The following DHX34 variants were observed in gnomAD, a reference collection of about 807,000 sequenced individuals.
DHX34 encodes DExH-box helicase 34, also known as probable ATP-dependent RNA helicase DHX34.
In DHX34, 96 loss-of-function variants were observed where a neutral mutation model predicts 111.1. That is an observed-to-expected ratio of 0.86 (90% CI 0.73 to 1.02). The LOEUF (loss-of-function observed/expected upper bound fraction) is 1.02. DHX34 is among the 50% of genes least tolerant of loss of function. DHX34 has a pLI of 0.00. For synonymous variants in DHX34, 688 were observed against 670.4 expected (o/e 1.03, Z -0.41); for missense variants, 1,560 against 1,579.9 (o/e 0.99, Z 0.21).
intron 7 of DHX34, among the ~76,000 whole-genome samples, chr19:47,371,433 A>G (rs912044261): frequency 1.3e-5 from 2 of 152,194 alleles, no homozygotes; most frequent in African/African-American, 2.4e-5. Context: ...AGGAGAGGCC[A>G]ATGCTGTTGT....
chr19:47,367,188 G>T, intron 7 of DHX34, 33 bp downstream of exon 7: 1 of 1,415,580 alleles, frequency 7.1e-7, no homozygotes, highest in Non-Finnish European at 9.3e-7. Context: ...ATCACTCAGG[G>T]CCCCAGGAGC....
At chr19:47,368,785 C>G (rs917757476) in intron 7 of DHX34, among the ~76,000 whole-genome samples, 4 of 151,928 alleles carry the variant, frequency 2.6e-5, no homozygotes, top group Middle Eastern at 3.2e-3. Flanking sequence ...GCAATCCCAG[C>G]TCATTGGAAC....
intron 2 of DHX34, 50 bp from the exon 3 acceptor site, chr19:47,354,989 G>C (rs1471612581): frequency 6.3e-7 from 1 of 1,593,854 alleles, no homozygotes; most frequent in Admixed American, 1.7e-5. Context: ...GCCAGGGGCT[G>C]GTACCCAGGC....
At chr19:47,361,125 A>C (rs1969618614) in intron 5 of DHX34, among the ~76,000 whole-genome samples, 1 of 152,088 alleles carries the variant, frequency 6.6e-6, no homozygotes, top group South Asian at 2.1e-4. Context: ...TGTGACTGAC[A>C]CTTCATGTAT....
intron 6 of DHX34, among the ~76,000 whole-genome samples, chr19:47,363,817 CA>C (rs34357751): frequency 0.41 from 31,302 of 76,256 alleles, 4,590 homozygotes; most frequent in African/African-American, 0.57. Context: ...GACTCCATCT[CA>C]AAAAAAAAAA....
chr19:47,368,777 A>C (rs922807667), intron 7 of DHX34, among the ~76,000 whole-genome samples: 3 of 150,762 alleles, frequency 2.0e-5, no homozygotes, highest in Non-Finnish European at 4.4e-5. Context: ...GCAGTGGTGC[A>C]ATCCCAGCTC....
Position 47,367,015 on chromosome 19 carries a change from TC to T in DHX34, c.1632del (p.Phe545SerfsTer36). ...ATGAGTGTGGGGGACCCCCGAACCT[TC>T]CCCTTCATCGAGCCCCCACCACCAG... ...KSMSVGDPRT[F>X]PFIEPPPPAS... On this transcript the variant is annotated frameshift_variant, in exon 7 of 17. Coordinates refer to ENST00000328771, the MANE Select transcript of DHX34 (RefSeq NM_014681.6). LOFTEE classifies it high-confidence loss of function. The T allele has an allele frequency of 6.4e-7, 1 of 1,570,284 alleles. No homozygotes were observed.
intron 11 of DHX34, 80 bp from the exon 12 acceptor site, chr19:47,376,363 G>T: frequency 1.3e-6 from 2 of 1,552,640 alleles, no homozygotes; most frequent in Non-Finnish European, 8.7e-7. Context: ...GGGAACCTGG[G>T]CCAGAGGGTG....
intron 5 of DHX34, 88 bp downstream of exon 5, chr19:47,360,158 C>G: frequency 7.9e-7 from 1 of 1,273,788 alleles, no homozygotes. Context: ...AGGGGCGCAC[C>G]AGCTTGGATT....
At chr19:47,374,806 A>T (rs1970082073) in intron 9 of DHX34, among the ~76,000 whole-genome samples, 1 of 152,110 alleles carries the variant, frequency 6.6e-6, no homozygotes, top group Non-Finnish European at 1.5e-5. Flanking sequence ...AATCTAATGG[A>T]AAGTGTGAGC....
In DHX34 at chr19:47,379,846, C is replaced by A. The variant is rs763252424; in HGVS notation, c.2843C>A (p.Ala948Asp). ...RLLAASLRLR[A>D]RWESALDRQL... ...CTGGCGGCTTCCCTGCGGCTCCGTGCCCGCTGGGAAAGTGCCCTGGACCGG... is the reference window on the plus strand; with the variant it reads ...CTGGCGGCTTCCCTGCGGCTCCGTGACCGCTGGGAAAGTGCCCTGGACCGG... Residue 948 changes from alanine (A) to aspartate (D), a missense_variant, in exon 14 of 17, where the codon GCC becomes GAC. Transcript: ENST00000328771. 2.5e-6 allele frequency: 4 copies of A among 1,613,780 alleles called. No individual in the cohort carries two copies. The Middle Eastern group carries it at 5.0e-4, about 201-fold the overall frequency.
rs959714837 is a variant in DHX34 at position 47,364,435 on chromosome 19, TA to T, written c.1593+1753del. 3.2e-4 allele frequency among the ~76,000 whole-genome samples: 47 copies of T among 148,142 alleles called. No homozygotes were observed. In the South Asian group the frequency reaches 6.4e-3, roughly 20 times the overall value. On this transcript the variant is annotated intron_variant, in intron 6 of 16. Transcript: ENST00000328771. The stretch of plus-strand genomic sequence containing the variant: ...TTCTATTCTGTTTGATTTCATCTTT[TA>T]AAAAAAAAAATACTAGTGCTGCCGG...
chr19:47,350,892 G>T (rs1969264971), intron 1 of DHX34, among the ~76,000 whole-genome samples: 1 of 152,086 alleles, frequency 6.6e-6, no homozygotes, highest in Admixed American at 6.6e-5. Context: ...GGGTGATGAT[G>T]AACAAGACGG....
intron 9 of DHX34, among the ~76,000 whole-genome samples, chr19:47,374,856 GCACA>G (rs1399929657): frequency 1.3e-5 from 2 of 152,164 alleles, no homozygotes; most frequent in African/African-American, 4.8e-5. Flanking sequence ...ACACATGCAC[GCACA>G]ATCTCCTGTG....
At chr19:47,358,753 T>G (rs1346913879) in intron 4 of DHX34, among the ~76,000 whole-genome samples, 1 of 152,166 alleles carries the variant, frequency 6.6e-6, no homozygotes, top group African/African-American at 2.4e-5. Context: ...TAGCTGGGAC[T>G]ACAGGCACCC....
In DHX34 at chr19:47,364,863, T is replaced by C. The variant is rs185786123; in HGVS notation, c.1594-2118T>C. On this transcript the variant is annotated intron_variant, in intron 6 of 16. Coordinates refer to ENST00000328771, the MANE Select transcript of DHX34 (RefSeq NM_014681.6). ...GGCAAGTAGTAGAGTCAGGGCTCCA[T>C]CCGAGGCCACCAGGCGTCAGAGCCT... 3.6e-3 allele frequency among the ~76,000 whole-genome samples: 542 copies of C among 152,258 alleles called. 5 individuals carry two copies. Among genetic ancestry groups the C allele is most frequent in the African/African-American group, 0.012 (519 of 41,550 alleles).
At position 47,352,770 on chromosome 19, in the gene DHX34, A is replaced by G. The variant is rs772075850; in HGVS notation, c.-261A>G. ...TCTCTTAAGAATCCAGGGCCTGAAAACCCAGAATGAACTTGTGTCCATCCC... is the reference window on the plus strand; with the variant it reads ...TCTCTTAAGAATCCAGGGCCTGAAAGCCCAGAATGAACTTGTGTCCATCCC... On this transcript the variant is annotated 5_prime_UTR_variant, in exon 2 of 17. Coordinates refer to ENST00000328771, the MANE Select transcript of DHX34 (RefSeq NM_014681.6). 1.0e-4 allele frequency: 53 copies of G among 525,028 alleles called. No homozygotes were observed. Among genetic ancestry groups the G allele is most frequent in the Middle Eastern group, 5.1e-4 (1 of 1,958 alleles). 32.5% of individuals were successfully genotyped at this position (525,028 alleles called of 1,614,324 possible).
rs374753120 is a variant in DHX34, at chr19:47,358,050, A to G, written c.1202A>G (p.Tyr401Cys). The change falls in exon 4 of 17, where the codon TAT (tyrosine) becomes TGT (cysteine). Residue 401 changes from tyrosine to cysteine, a missense_variant. Physicochemically the swap from Tyr to Cys is radical, Grantham distance 194. Transcript: ENST00000328771. ...ISAVLEAAQTYASHTQRWVVL... is the reference protein window; with the variant it reads ...ISAVLEAAQTCASHTQRWVVL... ...GCCGTGCTGGAGGCTGCCCAGACCT[A>G]TGCCAGCCACACCCAGCGCTGGGTG... is the stretch of plus-strand genomic sequence containing the variant. 95 of 1,612,858 alleles carry G rather than the reference A, an allele frequency of 5.9e-5. No individual in the cohort carries two copies. The highest frequency in any genetic ancestry group is 7.6e-5 in the Non-Finnish European group (90 of 1,179,896).
chr19:47,360,105 C>A (rs373252007), intron 5 of DHX34, 35 bp downstream of exon 5: 42 of 1,605,954 alleles, frequency 2.6e-5, no homozygotes, highest in Non-Finnish European at 3.3e-5. Flanking sequence ...CCACCACCCC[C>A]AAGGACTTAG....
Sources: allele counts gnomAD v4.1 joint callset (sites outside exome capture counted in the v4.1 genomes callset), GRCh38; gene constraint gnomAD v4.1.1; transcripts MANE v1.5; gene names NCBI Gene and HGNC (gene_info 2026-07-23, HGNC 2026-07-21).